The following SSH2 variants were observed in gnomAD, a reference collection of about 807,000 sequenced individuals.
SSH2 encodes the protein slingshot protein phosphatase 2, also known as protein phosphatase Slingshot homolog 2.
In SSH2, 37 loss-of-function variants were observed where a neutral mutation model predicts 135.2. That is an observed-to-expected ratio of 0.27 (90% CI 0.21 to 0.36). The LOEUF (loss-of-function observed/expected upper bound fraction) is 0.36, where lower values mean the gene tolerates loss of function less well. Among genes scored for constraint, SSH2 ranks in the 10% least tolerant of loss-of-function variants. The probability of loss-of-function intolerance (pLI) is 1.00; values close to 1 mark genes in which losing one functional copy is unlikely to be tolerated. For synonymous variants in SSH2, 628 were observed against 646.2 expected, an observed-to-expected ratio of 0.97 and a Z score of 0.43; for missense variants, 1,408 against 1,765.3, an observed-to-expected ratio of 0.80 and a Z score of 3.63.
intron 1 of SSH2, among the ~76,000 whole-genome samples, chr17:29,904,852 C>T (rs2066624377): frequency 6.6e-6 from 1 of 151,962 alleles, no homozygotes; most frequent in Admixed American, 6.6e-5. Context: ...TTCTATACAC[C>T]AACAACAGGC....
intron 3 of SSH2, among the ~76,000 whole-genome samples, chr17:29,785,805 C>CTTTTTT (rs748367220): frequency 2.4e-5 from 3 of 125,122 alleles, no homozygotes; most frequent in Non-Finnish European, 4.9e-5. Flanking sequence ...AGTCCGTTTA[C>CTTTTTT]TTTTTTTTTT....
At chr17:29,867,634 TGA>T (rs1280093063) in intron 1 of SSH2, among the ~76,000 whole-genome samples, 3 of 152,040 alleles carry the variant, frequency 2.0e-5, no homozygotes, top group Non-Finnish European at 2.9e-5. Context: ...AAGAAGACAC[TGA>T]GTAAGAAAGG....
At chr17:29,851,974 C>T (rs2065569439) in intron 1 of SSH2, among the ~76,000 whole-genome samples, 1 of 152,076 alleles carries the variant, frequency 6.6e-6, no homozygotes, top group African/African-American at 2.4e-5. Flanking sequence ...CAGATGTCCA[C>T]ACTAGCTCTT....
intron 4 of SSH2, among the ~76,000 whole-genome samples, chr17:29,696,202 C>CAT (rs2038728518): frequency 1.5e-5 from 2 of 135,602 alleles, no homozygotes; most frequent in Non-Finnish European, 3.2e-5. Context: ...CACACACACA[C>CAT]ACACACATAT....
At chr17:29,716,804 A>C in intron 3 of SSH2, 1 of 405,724 alleles carries the variant, frequency 2.5e-6, no homozygotes, top group South Asian at 2.1e-5. Flanking sequence ...TTTTCTACCC[A>C]CTGGCATCTT....
At chr17:29,865,121 C>T (rs181845166) in intron 1 of SSH2, among the ~76,000 whole-genome samples, 1 of 152,256 alleles carries the variant, frequency 6.6e-6, no homozygotes, top group Admixed American at 6.5e-5. Context: ...TTCTCTACAA[C>T]CAAATTGAAA....
At chr17:29,742,499 TTC>T (rs1491040027) in intron 3 of SSH2, among the ~76,000 whole-genome samples, 52 of 146,150 alleles carry the variant, frequency 3.6e-4, no homozygotes, top group African/African-American at 1.1e-3. Context: ...TTTTTTTTTT[TTC>T]TTTTCAATTT....
At chr17:29,807,602 A>C (rs1336223190) in intron 2 of SSH2, among the ~76,000 whole-genome samples, 1 of 152,220 alleles carries the variant, frequency 6.6e-6, no homozygotes, top group African/African-American at 2.4e-5. Context: ...CAGGAAGTAC[A>C]TGTCACAGGA....
At chr17:29,825,371 A>T (rs141149588) in intron 2 of SSH2, among the ~76,000 whole-genome samples, 42 of 152,348 alleles carry the variant, frequency 2.8e-4, no homozygotes, top group African/African-American at 9.6e-4. Context: ...ATAATTATAC[A>T]AATATTTAGC....
chr17:29,778,348 C>T (rs1221736826), intron 3 of SSH2, among the ~76,000 whole-genome samples: 2 of 152,072 alleles, frequency 1.3e-5, no homozygotes. Flanking sequence ...AGTCATAAGT[C>T]ATGTAGCCTG....
intron 3 of SSH2, among the ~76,000 whole-genome samples, chr17:29,783,894 G>A (rs1324322556): frequency 1.4e-5 from 2 of 148,140 alleles, no homozygotes; most frequent in East Asian, 4.0e-4. Flanking sequence ...GTGAAACCCC[G>A]TCTCTACTAA....
At chr17:29,888,250 C>A (rs1006562717) in intron 1 of SSH2, among the ~76,000 whole-genome samples, 4 of 151,922 alleles carry the variant, frequency 2.6e-5, no homozygotes, top group African/African-American at 7.3e-5. Context: ...CCACCCTACC[C>A]CCAGAAAGAA....
chr17:29,811,036 C>T (rs894007995), intron 2 of SSH2, among the ~76,000 whole-genome samples: 6 of 152,042 alleles, frequency 3.9e-5, no homozygotes, highest in Admixed American at 1.3e-4. Context: ...CGCTCTGTTG[C>T]ACAAGGTGGA....
chr17:29,811,156 T>C (rs983872938), intron 2 of SSH2, among the ~76,000 whole-genome samples: 3 of 151,956 alleles, frequency 2.0e-5, no homozygotes, highest in African/African-American at 7.3e-5. Context: ...CCACCACACC[T>C]GGCTAATTTT....
At position 29,632,613 on chromosome 17, in the gene SSH2, A is replaced by T; in HGVS notation, c.2581T>A (p.Ser861Thr). Residue 861 changes from serine (S) to threonine (T), a missense_variant, in exon 16 of 16, where the codon TCT becomes ACT. By Grantham distance (58) the Ser-to-Thr change is moderately conservative. Transcript: ENST00000540801. ...NPEGCLTTHS[S>T]IADLEEGEPA... Reference sequence around the variant, plus strand: ...TCCCCTTCTTCCAAGTCTGCTATAGATGAGTGTGTGGTTAGGCAGCCTTCT... The same window carrying T: ...TCCCCTTCTTCCAAGTCTGCTATAGTTGAGTGTGTGGTTAGGCAGCCTTCT... 1 of 1,613,996 alleles carries T rather than the reference A, an allele frequency of 6.2e-7. No homozygotes were observed. The highest frequency in any genetic ancestry group is 8.5e-7 in the Non-Finnish European group (1 of 1,180,014).
chr17:29,635,882 C>G, intron 15 of SSH2, 86 bp downstream of exon 15: 1 of 1,033,972 alleles, frequency 9.7e-7, no homozygotes, highest in Non-Finnish European at 1.4e-6. Flanking sequence ...CCAGACTCTC[C>G]ATCAAAAACA....
At chr17:29,746,547 C>CAA (rs57217896) in intron 3 of SSH2, among the ~76,000 whole-genome samples, 3,193 of 67,838 alleles carry the variant, frequency 0.047, 188 homozygotes, top group Middle Eastern at 0.1. Context: ...GACTCTGTCT[C>CAA]AAAAAAAAAA....
chr17:29,898,979 G>A lies in SSH2; in HGVS notation c.63+30959C>T, dbSNP rs530971389. Among the ~76,000 whole-genome samples the A allele has an allele frequency of 9.5e-3, 1,447 of 152,160 alleles. 19 individuals are homozygous for A. Among genetic ancestry groups the A allele is most frequent in the African/African-American group, 0.031 (1,283 of 41,504 alleles). On this transcript the variant is annotated intron_variant, in intron 1 of 15. Coordinates refer to ENST00000540801, the MANE Select transcript of SSH2 (RefSeq NM_001282129.2). ...GGGATGCAAGACTGGTTCAACATAC[G>A]CAAATCAATAAACATAATCCAGCAT...
intron 3 of SSH2, among the ~76,000 whole-genome samples, chr17:29,708,993 A>AATATATATATATATATATAT (rs374708601): frequency 1.1e-4 from 7 of 65,820 alleles, no homozygotes; most frequent in African/African-American, 2.9e-4. Context: ...CTAGTTAAGA[A>AATATATATATATATATATAT]ATATATATAT....
Sources: gnomAD v4.1 joint callset for allele counts (sites outside exome capture counted in the v4.1 genomes callset) on GRCh38, gnomAD v4.1.1 for gene constraint, MANE v1.5 for transcripts, NCBI Gene and HGNC (gene_info 2026-07-23, HGNC 2026-07-21) for gene names.